Variants in STPG1 observed in about 807,000 individuals in gnomAD.
The protein encoded by STPG1 is O(6)-methylguanine-induced apoptosis 2.
STPG1 carries 33 observed loss-of-function variants against 40.1 expected under a neutral mutation model. That is an observed-to-expected ratio of 0.82 (90% CI 0.62 to 1.10). The LOEUF is 1.10. STPG1 is among the 50% of genes least tolerant of loss of function. The pLI, the probability that STPG1 is intolerant of heterozygous loss-of-function variation, is 0.00. For synonymous variants in STPG1, 150 were observed against 155.0 expected (o/e 0.97, Z 0.24); for missense variants, 396 against 415.1 (o/e 0.95, Z 0.40).
intron 2 of STPG1, 30 bp downstream of exon 2, chr1:24,401,289 G>A (rs1370843825): frequency 2.5e-6 from 4 of 1,606,492 alleles, no homozygotes; most frequent in Non-Finnish European, 3.4e-6. Flanking sequence ...TATGTCAGGA[G>A]CTATCTCCTC....
chr1:24,384,054 C>T (rs751918408), intron 3 of STPG1, 51 bp from the exon 4 acceptor site: 62 of 1,161,814 alleles, frequency 5.3e-5, no homozygotes, highest in Non-Finnish European at 7.9e-5. Flanking sequence ...TTCCATTGTG[C>T]TTTTCCACAG....
intron 7 of STPG1, among the ~76,000 whole-genome samples, chr1:24,363,899 G>C (rs1641283545): frequency 6.6e-6 from 1 of 152,252 alleles, no homozygotes; most frequent in East Asian, 1.9e-4. Context: ...TGAGCACCTA[G>C]ACTGCCTTCA....
In STPG1 at chr1:24,357,744, G is replaced by A. The variant is rs1488642150; in HGVS notation, c.*799C>T. On this transcript the variant is annotated 3_prime_UTR_variant, in exon 9 of 9. Transcript: ENST00000337248. ...GTGCAGCCTCCACCAAAACCACTAG[G>A]GCACATTTCTTTTTCCCTCCACATA... The A allele has an allele frequency of 5.6e-6, 1 of 179,582 alleles. No homozygotes were observed. Among genetic ancestry groups the A allele is most frequent in the Non-Finnish European group, 1.2e-5 (1 of 81,830 alleles). 11.1% of individuals were successfully genotyped at this position (179,582 alleles called of 1,614,324 possible). A position where few individuals can be genotyped will look rare whatever the true frequency, so the allele number is the denominator to read the frequency against.
At chr1:24,387,307 G>A (rs758306265) in intron 3 of STPG1, among the ~76,000 whole-genome samples, 2 of 152,198 alleles carry the variant, frequency 1.3e-5, no homozygotes, top group Non-Finnish European at 2.9e-5. Flanking sequence ...ATGTGTGGTC[G>A]TGACTCCATG....
rs1212021250 is a variant in STPG1 at position 24,360,906 on chromosome 1, C to T, written c.873G>A (p.Val291=). The change falls in exon 8 of 9, where the codon GTG becomes GTA. Residue 291 remains valine, a synonymous_variant. Transcript: ENST00000337248. ...CCGCTGTCCACCGGCTGGTATTGGA[C>T]ACGAATGATGCACTAGAGATGAAAT... ...RKHFISSASF[V]SNTSRWTAAP... is the part of the protein sequence containing the mutation. The T allele has an allele frequency of 1.2e-6, 2 of 1,613,726 alleles. No individual in the cohort carries two copies. Among genetic ancestry groups the T allele is most frequent in the East Asian group, 2.2e-5 (1 of 44,884 alleles).
chr1:24,384,554 GC>G (rs1434938974), intron 3 of STPG1, among the ~76,000 whole-genome samples: 6 of 152,212 alleles, frequency 3.9e-5, no homozygotes, highest in Admixed American at 3.9e-4. Flanking sequence ...AGCTCTTGAG[GC>G]TCAAGTGCTG....
At chr1:24,373,681 C>T (rs1334684905) in intron 6 of STPG1, 21 bp downstream of exon 6, 1 of 1,534,518 alleles carries the variant, frequency 6.5e-7, no homozygotes, top group African/African-American at 1.4e-5. Flanking sequence ...AGGTCAAGGC[C>T]AGTGCAAAGC....
intron 1 of STPG1, among the ~76,000 whole-genome samples, chr1:24,406,782 T>C (rs1243002020): frequency 1.3e-5 from 2 of 152,212 alleles, no homozygotes; most frequent in African/African-American, 2.4e-5. Context: ...ATAATTCTTT[T>C]TTTATCCATC....
chr1:24,412,982 CAT>C (rs1198989978), intron 1 of STPG1, among the ~76,000 whole-genome samples: 2 of 152,190 alleles, frequency 1.3e-5, no homozygotes, highest in African/African-American at 4.8e-5. Flanking sequence ...GGTATATAAA[CAT>C]GTACTAAACT....
chr1:24,392,292 T>C (rs1642807070), intron 2 of STPG1, among the ~76,000 whole-genome samples: 1 of 152,264 alleles, frequency 6.6e-6, no homozygotes. Context: ...GTCTGATGTA[T>C]AAACTCCCCT....
At chr1:24,370,800 T>C (rs887587173) in intron 6 of STPG1, among the ~76,000 whole-genome samples, 1 of 151,570 alleles carries the variant, frequency 6.6e-6, no homozygotes, top group Non-Finnish European at 1.5e-5. Context: ...TTTTTTTTTT[T>C]TGTAGAAATG....
Position 24,379,633 on chromosome 1 carries a change from A to T in STPG1, c.462+20T>A. ...CCATTAATTCGATCTGTATTTAGCA[A>T]GCATAGGCAGAGTTCTTACATTGTA... On this transcript the variant is annotated intron_variant, in intron 5 of 8. Transcript: ENST00000337248. 2.5e-6 allele frequency: 4 copies of T among 1,612,914 alleles called. No individual in the cohort carries two copies. Among genetic ancestry groups the T allele is most frequent in the Non-Finnish European group, 3.4e-6 (4 of 1,178,886 alleles).
At chr1:24,364,132 C>G (rs1641295124) in intron 7 of STPG1, 1 of 1,468,570 alleles carries the variant, frequency 6.8e-7, no homozygotes, top group Non-Finnish European at 9.1e-7. Context: ...TGAGAAACAC[C>G]AACTTTCCCT....
rs1643214234 is a variant in STPG1 at position 24,401,248 on chromosome 1, C to A, written c.70+71G>T. 35 of 1,393,958 alleles carry A rather than the reference C, an allele frequency of 2.5e-5. 2 individuals are homozygous for A. In the Middle Eastern group the frequency reaches 8.9e-4, roughly 35 times the overall value. The allele number at this position is 1,393,958 out of a possible 1,614,324, so 86.3% of individuals were successfully genotyped here. A position where few individuals can be genotyped will look rare whatever the true frequency, so the allele number is the denominator to read the frequency against. On this transcript the variant is annotated intron_variant, in intron 2 of 8. Coordinates refer to ENST00000337248, the MANE Select transcript of STPG1 (RefSeq NM_001199013.2). Reference sequence around the variant, plus strand: ...TATAACCCAGGACTTACTATTCCCCCCAAATTTGCTCTTATGTACTAAAAT... The same window carrying A: ...TATAACCCAGGACTTACTATTCCCCACAAATTTGCTCTTATGTACTAAAAT...
At chr1:24,406,072 G>C (rs1643403970) in intron 1 of STPG1, among the ~76,000 whole-genome samples, 1 of 152,028 alleles carries the variant, frequency 6.6e-6, no homozygotes, top group African/African-American at 2.4e-5. Context: ...ATTTAATGTA[G>C]CACTTGATAT....
chr1:24,413,346 C>G (rs1485594665), intron 1 of STPG1, among the ~76,000 whole-genome samples: 1 of 152,242 alleles, frequency 6.6e-6, no homozygotes, highest in Admixed American at 6.5e-5. Flanking sequence ...CACTGCCAGG[C>G]ACTGAAGCCT....
At chr1:24,402,768 C>T (rs1486291634) in intron 1 of STPG1, among the ~76,000 whole-genome samples, 1 of 147,838 alleles carries the variant, frequency 6.8e-6, no homozygotes, top group Non-Finnish European at 1.5e-5. Context: ...CAAAAAAAAA[C>T]AAAAAAACAA....
chr1:24,378,845 AGG>A (rs1256959808), intron 5 of STPG1, among the ~76,000 whole-genome samples: 1 of 152,198 alleles, frequency 6.6e-6, no homozygotes, highest in Non-Finnish European at 1.5e-5. Context: ...GTAACCCTGT[AGG>A]GCAAGTAGAA....
In STPG1 at chr1:24,386,522, C is replaced by T. The variant is rs528274419; in HGVS notation, c.190-2519G>A. Among the ~76,000 whole-genome samples the T allele has an allele frequency of 3.3e-4, 51 of 152,348 alleles. 1 individual carries two copies. The South Asian group carries it at 7.7e-3, about 23-fold the overall frequency. On this transcript the variant is annotated intron_variant, in intron 3 of 8. Coordinates refer to ENST00000337248, the MANE Select transcript of STPG1 (RefSeq NM_001199013.2). ...GGTGGCAGTATTTATGTCACAAAAACGGGCAGATGCTACATCTCAGCACTT... is the reference window on the plus strand; with the variant it reads ...GGTGGCAGTATTTATGTCACAAAAATGGGCAGATGCTACATCTCAGCACTT...
Sources: allele counts gnomAD v4.1 joint callset (sites outside exome capture counted in the v4.1 genomes callset), GRCh38; gene constraint gnomAD v4.1.1; transcripts MANE v1.5; gene names NCBI Gene and HGNC (gene_info 2026-07-23, HGNC 2026-07-21).